Variants in SIK2 observed in about 807,000 individuals in gnomAD.
SIK2 encodes the protein serine/threonine-protein kinase SIK2.
SIK2 carries 29 observed loss-of-function variants against 103.2 expected under a neutral mutation model. The observed-to-expected ratio is 0.28, with a 90% CI of 0.21 to 0.38. The LOEUF (loss-of-function observed/expected upper bound fraction) is 0.38, where lower values mean the gene tolerates loss of function less well. Ranked by LOEUF, SIK2 falls within the 10% of genes least tolerant of loss-of-function variation. The pLI is 1.00. For missense variants in SIK2, 879 were observed against 1,171.0 expected (o/e 0.75, Z 3.64); for synonymous variants, 412 against 446.1 (o/e 0.92, Z 0.96).
At position 111,728,269 on chromosome 11, in the gene SIK2, T is replaced by C. The variant is rs1168427146; in HGVS notation, c.*4140T>C. 2 of 146,184 alleles carry C rather than the reference T, an allele frequency of 1.4e-5. No individual in the cohort carries two copies. Among genetic ancestry groups the C allele is most frequent in the Non-Finnish European group, 3.0e-5 (2 of 67,130 alleles). 9.1% of individuals were successfully genotyped at this position (146,184 alleles called of 1,614,324 possible). On this transcript the variant is annotated 3_prime_UTR_variant, in exon 15 of 15. Coordinates refer to ENST00000304987, the MANE Select transcript of SIK2 (RefSeq NM_015191.3). ...GTACAGGCAGGGATCTTTGATCATT[T>C]TGTTGCTTCTGGAATTTATTTAATT...
intron 6 of SIK2, among the ~76,000 whole-genome samples, chr11:111,702,642 G>A (rs995580609): frequency 6.6e-6 from 1 of 152,178 alleles, no homozygotes; most frequent in African/African-American, 2.4e-5. Flanking sequence ...GTGACAGGAG[G>A]TTACCTTATG....
At chr11:111,678,351 A>G (rs1220231161) in intron 3 of SIK2, among the ~76,000 whole-genome samples, 1 of 152,232 alleles carries the variant, frequency 6.6e-6, no homozygotes, top group East Asian at 1.9e-4. Flanking sequence ...AGTGCCAAGC[A>G]TCGTGAGAGA....
At chr11:111,658,932 G>A (rs1269642307) in intron 3 of SIK2, among the ~76,000 whole-genome samples, 4 of 152,084 alleles carry the variant, frequency 2.6e-5, no homozygotes, top group Non-Finnish European at 5.9e-5. Flanking sequence ...TGCAGAGCCC[G>A]GCATTCTTTT....
In SIK2 at chr11:111,709,824, G is replaced by A. The variant is rs915120828; in HGVS notation, c.1102-2387G>A. Among the ~76,000 whole-genome samples, 5 of 152,320 alleles carry A rather than the reference G, an allele frequency of 3.3e-5. No individual in the cohort carries two copies. The South Asian group carries it at 6.2e-4, about 19-fold the overall frequency. On this transcript the variant is annotated intron_variant, in intron 8 of 14. Transcript: ENST00000304987. ...TCCTGTCTGTTATTCCTCTAACCGA[G>A]TTCACAGTCAGTTGTAGTAGTCCAG...
intron 3 of SIK2, among the ~76,000 whole-genome samples, chr11:111,687,056 A>G (rs1037195777): frequency 6.6e-6 from 1 of 152,202 alleles, no homozygotes; most frequent in Admixed American, 6.5e-5. Context: ...TGTTTTACAT[A>G]AATTTTATTT....
Position 111,659,574 on chromosome 11 carries a change from C to T in SIK2, c.317-28427C>T, listed in dbSNP as rs143556849. Among the ~76,000 whole-genome samples the T allele has an allele frequency of 1.4e-3, 217 of 151,664 alleles. 2 individuals carry two copies. Among genetic ancestry groups the T allele is most frequent in the Middle Eastern group, 0.014 (4 of 294 alleles). On this transcript the variant is annotated intron_variant, in intron 3 of 14. Transcript: ENST00000304987. ...TATGCCTCCTCACTGTCCCAGCTGG[C>T]TTCCTCCGTCGCTTATTCCTTTTAC...
rs990495154 is a variant in SIK2 at position 111,722,053 on chromosome 11, T to C, written c.2055+113T>C. On this transcript the variant is annotated intron_variant, in intron 13 of 14. Transcript: ENST00000304987. This position sits in a 1 kb window ranked among gnomAD's most constrained non-coding sequence, Gnocchi z 4.4. Reference sequence around the variant, plus strand: ...TATTTAGGGTAGCTGCTTGATTCCTTATAGGCAAGTAGCTTTGACTCTGTA... The same window carrying C: ...TATTTAGGGTAGCTGCTTGATTCCTCATAGGCAAGTAGCTTTGACTCTGTA... The C allele has an allele frequency of 1.4e-6, 1 of 692,608 alleles. No homozygotes were observed. Among genetic ancestry groups the C allele is most frequent in the South Asian group, 2.4e-5 (1 of 41,202 alleles). The allele number at this position is 692,608 out of a possible 1,614,324, so 42.9% of individuals were successfully genotyped here. A position where few individuals can be genotyped will look rare whatever the true frequency, so the allele number is the denominator to read the frequency against.
At chr11:111,687,644 C>T (rs1192682122) in intron 3 of SIK2, among the ~76,000 whole-genome samples, 9 of 114,194 alleles carry the variant, frequency 7.9e-5, no homozygotes, top group Non-Finnish European at 1.1e-4. Flanking sequence ...GTCTCACTCT[C>T]GTCCAGGCTG....
intron 3 of SIK2, among the ~76,000 whole-genome samples, chr11:111,667,917 A>AT (rs1176552564): frequency 6.6e-6 from 1 of 152,222 alleles, no homozygotes; most frequent in African/African-American, 2.4e-5. Context: ...ATAGATAACA[A>AT]TTAATTCGAG....
intron 10 of SIK2, among the ~76,000 whole-genome samples, chr11:111,720,247 G>A (rs1276611876): frequency 6.6e-6 from 1 of 152,176 alleles, no homozygotes; most frequent in Non-Finnish European, 1.5e-5. Context: ...ATTGATCAGG[G>A]ACTCTGGCTC....
chr11:111,716,512 G>A (rs956765368), intron 9 of SIK2, among the ~76,000 whole-genome samples: 3 of 152,154 alleles, frequency 2.0e-5, no homozygotes, highest in African/African-American at 7.2e-5. Context: ...GGGAGATGGA[G>A]GTTGCAGTGA....
At chr11:111,604,876 G>T (rs192664820) in intron 1 of SIK2, among the ~76,000 whole-genome samples, 443 of 152,246 alleles carry the variant, frequency 2.9e-3, no homozygotes, top group Non-Finnish European at 4.0e-3. Flanking sequence ...AGATATTAAG[G>T]TAGAGAGGGA....
chr11:111,722,849 C>A lies in SIK2; in HGVS notation c.2147+93C>A. The A allele has an allele frequency of 8.5e-7, 1 of 1,181,136 alleles. No homozygotes were observed. The highest frequency in any genetic ancestry group is 1.2e-6 in the Non-Finnish European group (1 of 812,894). 73.2% of individuals were successfully genotyped at this position (1,181,136 alleles called of 1,614,324 possible). ...TGTCCTTTTCCTCTCACATTCGCCA[C>A]TACTAGGAAAATAGGTTTTCTGCGT... is the stretch of plus-strand genomic sequence containing the variant. On this transcript the variant is annotated intron_variant, in intron 14 of 14. Transcript: ENST00000304987. This position sits in a 1 kb window ranked among gnomAD's most constrained non-coding sequence, Gnocchi z 4.4.
chr11:111,677,785 T>A (rs1357967730), intron 3 of SIK2, among the ~76,000 whole-genome samples: 1 of 152,176 alleles, frequency 6.6e-6, no homozygotes. Flanking sequence ...GGGACTGAAT[T>A]TTATTTCCTT....
At chr11:111,606,707 G>A (rs927511315) in intron 1 of SIK2, among the ~76,000 whole-genome samples, 1 of 152,000 alleles carries the variant, frequency 6.6e-6, no homozygotes, top group African/African-American at 2.4e-5. Context: ...AGGAGAAATT[G>A]CTGGTAAAGT....
chr11:111,689,988 A>G (rs1054259373), intron 4 of SIK2, among the ~76,000 whole-genome samples: 9 of 151,186 alleles, frequency 6.0e-5, no homozygotes, highest in African/African-American at 1.9e-4. Context: ...GTATGTGTAT[A>G]TATATATATA....
intron 3 of SIK2, among the ~76,000 whole-genome samples, chr11:111,682,864 CT>C (rs536853215): frequency 4.8e-4 from 73 of 152,334 alleles, no homozygotes; most frequent in Middle Eastern, 3.4e-3. Context: ...GACTATCAAA[CT>C]GTCAATATTG....
Position 111,602,982 on chromosome 11 carries a change from C to T in SIK2, c.135+284C>T, listed in dbSNP as rs781709771. 1.3e-5 allele frequency among the ~76,000 whole-genome samples: 2 copies of T among 152,060 alleles called. No homozygotes were observed. The highest frequency in any genetic ancestry group is 2.9e-5 in the Non-Finnish European group (2 of 67,974). On this transcript the variant is annotated intron_variant, in intron 1 of 14. Transcript: ENST00000304987. The surrounding 1 kb of genome is among the most constrained non-coding windows in gnomAD (Gnocchi z 4.5). ...CACCCCCGGTGGCCACCCGGAATTTCGCCCAGAGCCCCCCACCCGGGCCGT... is the reference window on the plus strand; with the variant it reads ...CACCCCCGGTGGCCACCCGGAATTTTGCCCAGAGCCCCCCACCCGGGCCGT...
intron 3 of SIK2, among the ~76,000 whole-genome samples, chr11:111,676,603 A>C (rs1184754930): frequency 6.6e-6 from 1 of 152,206 alleles, no homozygotes; most frequent in East Asian, 1.9e-4. Context: ...AAGAAGTAAA[A>C]GAGATATATT....
Sources: allele counts gnomAD v4.1 joint callset (sites outside exome capture counted in the v4.1 genomes callset), GRCh38; gene constraint gnomAD v4.1.1; non-coding constraint Gnocchi (gnomAD v3.1); transcripts MANE v1.5; gene names NCBI Gene and HGNC (gene_info 2026-07-23, HGNC 2026-07-21).